The following ANO7 variants were observed in gnomAD, a reference collection of about 807,000 sequenced individuals.
The protein encoded by ANO7 is anoctamin 7.
A neutral mutation model predicts 115.8 loss-of-function variants in ANO7; 114 were observed. That is an observed-to-expected ratio of 0.98 (90% CI 0.85 to 1.15). ANO7 has a LOEUF of 1.15. ANO7 is among the 50% of genes most tolerant of loss of function. The pLI, the probability that ANO7 is intolerant of heterozygous loss-of-function variation, is 0.00. For synonymous variants in ANO7, 550 were observed against 498.2 expected (o/e 1.10, Z -1.38); for missense variants, 1,302 against 1,201.2 (o/e 1.08, Z -1.24).
rs138897331 is a variant in ANO7, at chr2:241,219,438, C to T, written c.2321+1057C>T. Among the ~76,000 whole-genome samples, 1,304 of 152,140 alleles carry T rather than the reference C, an allele frequency of 8.6e-3. 5 individuals are homozygous for T. The highest frequency in any genetic ancestry group is 0.02 in the Middle Eastern group (6 of 294). On this transcript the variant is annotated intron_variant, in intron 21 of 24. Coordinates refer to ENST00000674324, the MANE Select transcript of ANO7 (RefSeq NM_001370694.2). The stretch of plus-strand genomic sequence containing the variant: ...CTTTATCTTTTTTATTCCTCCTCTC[C>T]TGACTTCTGGTGGATGGGTAAAAGT...
In ANO7 at chr2:241,212,180, G is replaced by A. The variant is rs111600763; in HGVS notation, c.1648G>A (p.Val550Ile). 1,911 of 1,614,060 alleles carry A rather than the reference G, an allele frequency of 1.2e-3. 19 individuals are homozygous for A. In the African/African-American group the frequency reaches 0.021, roughly 18 times the overall value. ...FQFVNFYSSP[V>I]YIAFFKGRFV... ...GTTCGTCAACTTCTACTCCTCACCC[G>A]TCTACATTGCCTTCTTCAAGGGCAG... Residue 550 changes from valine (V) to isoleucine (I), a missense_variant, in exon 16 of 25, where the codon GTC becomes ATC. Coordinates refer to ENST00000674324, the MANE Select transcript of ANO7 (RefSeq NM_001370694.2).
At chr2:241,200,323 AC>A in intron 6 of ANO7, 98 bp downstream of exon 6, 1 of 1,473,844 alleles carries the variant, frequency 6.8e-7, no homozygotes, top group African/African-American at 1.4e-5. Flanking sequence ...GACTCTCCTC[AC>A]CTGGAGTTTT....
rs1382961397 is a variant in ANO7, at chr2:241,210,545, C to G, written c.1536C>G (p.Ser512=). ...TCATCCTCTCCAAGATCTATGTATC[C>G]CTGGCCCACGTCCTGACACGATGGG... ...FILILSKIYV[S]LAHVLTRWEM... is the part of the protein sequence containing the mutation. The change falls in exon 15 of 25, where the codon TCC becomes TCG. Residue 512 remains serine (S), a synonymous_variant. Transcript: ENST00000674324. 1 of 1,613,804 alleles carries G rather than the reference C, an allele frequency of 6.2e-7. No homozygotes were observed. The highest frequency in any genetic ancestry group is 1.3e-5 in the African/African-American group (1 of 74,942).
At chr2:241,212,876 T>C in intron 17 of ANO7, 2 of 490,682 alleles carry the variant, frequency 4.1e-6, no homozygotes, top group South Asian at 2.2e-5. Context: ...CTCACGCCTG[T>C]AATCTCAGCA....
At chr2:241,214,575 T>C (rs559642848) in intron 17 of ANO7, among the ~76,000 whole-genome samples, 1 of 152,292 alleles carries the variant, frequency 6.6e-6, no homozygotes, top group East Asian at 1.9e-4. Flanking sequence ...TAGGTACATA[T>C]AGCAGTGCCC....
At chr2:241,238,628 C>G in the ANO7 span, 1 of 1,526,140 alleles carries the variant, frequency 6.6e-7, no homozygotes, top group East Asian at 2.3e-5. The surrounding 1 kb of genome is among the most constrained non-coding windows in gnomAD (Gnocchi z 4.9). Flanking sequence ...ACAAGCAGAG[C>G]AGGGCTAATG....
Position 241,218,359 on chromosome 2 carries a change from G to A in ANO7, c.2299G>A (p.Ala767Thr), listed in dbSNP as rs371748155. The change falls in exon 21 of 25, where the codon GCC becomes ACC. Residue 767 changes from alanine to threonine, a missense_variant. Physicochemically the swap from Ala to Thr is moderately conservative, Grantham distance 58. Coordinates refer to ENST00000674324, the MANE Select transcript of ANO7 (RefSeq NM_001370694.2). ...TLARAPSSFA[A>T]AHNRTCRYRA... is the part of the protein sequence containing the mutation. ...GGCGCGAGCCCCGTCCTCCTTCGCC[G>A]CCGCGCACAACCGCACGTGCAGGTG... is the stretch of plus-strand genomic sequence containing the variant. 7.1e-5 allele frequency: 104 copies of A among 1,469,042 alleles called. No homozygotes were observed. The highest frequency in any genetic ancestry group is 8.9e-5 in the Non-Finnish European group (99 of 1,112,962). 91.0% of individuals were successfully genotyped at this position (1,469,042 alleles called of 1,614,324 possible). A position where few individuals can be genotyped will look rare whatever the true frequency, so the allele number is the denominator to read the frequency against.
intron 18 of ANO7, among the ~76,000 whole-genome samples, chr2:241,215,471 C>CA (rs2068809490): frequency 6.6e-6 from 1 of 152,228 alleles, no homozygotes; most frequent in South Asian, 2.1e-4. Flanking sequence ...GATCTGCCCC[C>CA]AGAAGGCAGC....
chr2:241,188,725 G>A lies in ANO7; in HGVS notation c.-49G>A. Reference sequence around the variant, plus strand: ...GAGACCAGGCTCACGCTGAGAGGTGGGCCATGACCTCCGAGACCTCTTCCG... The same window carrying A: ...GAGACCAGGCTCACGCTGAGAGGTGAGCCATGACCTCCGAGACCTCTTCCG... On this transcript the variant is annotated 5_prime_UTR_variant, in exon 1 of 25. Transcript: ENST00000674324. This position sits in a 1 kb window ranked among gnomAD's most constrained non-coding sequence, Gnocchi z 4.3. 6.2e-7 allele frequency: 1 copy of A among 1,613,626 alleles called. No individual in the cohort carries two copies. Among genetic ancestry groups the A allele is most frequent in the South Asian group, 1.1e-5 (1 of 91,064 alleles).
intron 1 of ANO7, 49 bp from the exon 2 acceptor site, chr2:241,190,008 A>T (rs1005090007): frequency 1.6e-5 from 23 of 1,462,470 alleles, no homozygotes; most frequent in Non-Finnish European, 2.1e-5. Context: ...AACGGGTCTC[A>T]CCCATCCCCT....
At chr2:241,218,702 C>T (rs2068931952) in intron 21 of ANO7, among the ~76,000 whole-genome samples, 2 of 152,220 alleles carry the variant, frequency 1.3e-5, no homozygotes, top group South Asian at 4.2e-4. Flanking sequence ...TTTATTCGGC[C>T]GGGGGCGTCG....
the ANO7 span, chr2:241,236,864 G>A: frequency 7.3e-7 from 1 of 1,361,814 alleles, no homozygotes. Flanking sequence ...CCTGCTGGGT[G>A]CTGGGTGGTA....
intron 6 of ANO7, among the ~76,000 whole-genome samples, chr2:241,200,633 C>T (rs932129582): frequency 1.3e-4 from 20 of 152,342 alleles, no homozygotes; most frequent in African/African-American, 3.4e-4. Context: ...CTCCTGGAAA[C>T]GACACGTGTG....
the ANO7 span, among the ~76,000 whole-genome samples, chr2:241,237,991 CCA>C: frequency 6.6e-6 from 1 of 152,238 alleles, no homozygotes. Context: ...GGCTGCAGGG[CCA>C]CCTGCCGCCC....
At chr2:241,211,612 GGT>G (rs772995730) in intron 15 of ANO7, among the ~76,000 whole-genome samples, 10 of 152,180 alleles carry the variant, frequency 6.6e-5, no homozygotes, top group Non-Finnish European at 1.5e-5. Context: ...GCAGGTGGCA[GGT>G]GTCTCAGGGA....
rs1322611729 is a variant in ANO7, at chr2:241,202,324, G to C, written c.723+20G>C. ...CATGACGTGAGCTCGGGGGCTGGGG[G>C]CTCCAGCCTGGGTATGGGAGATGAG... On this transcript the variant is annotated intron_variant, in intron 8 of 24. Transcript: ENST00000674324. 6.9e-6 allele frequency: 11 copies of C among 1,602,704 alleles called. 1 individual carries two copies. In the South Asian group the frequency reaches 1.2e-4, roughly 18 times the overall value.
the ANO7 span, chr2:241,239,951 C>T: frequency 6.2e-7 from 1 of 1,614,228 alleles, no homozygotes; most frequent in Non-Finnish European, 8.5e-7. The surrounding 1 kb of genome is among the most constrained non-coding windows in gnomAD (Gnocchi z 4.6). Context: ...CGGACGGCGT[C>T]CTCCTTTCCA....
chr2:241,233,960 A>C, the ANO7 span: 1 of 1,614,128 alleles, frequency 6.2e-7, no homozygotes, highest in Non-Finnish European at 8.5e-7. The surrounding 1 kb of genome is among the most constrained non-coding windows in gnomAD (Gnocchi z 4.3). Flanking sequence ...AAACTCCTTA[A>C]AGCCTACAAA....
At chr2:241,191,125 C>T (rs972144341) in intron 2 of ANO7, 69 bp from the exon 3 acceptor site, 25 of 1,333,012 alleles carry the variant, frequency 1.9e-5, no homozygotes, top group African/African-American at 4.5e-5. Flanking sequence ...CAGGGTGGGG[C>T]GGGGTGGGTG....
Sources: gnomAD v4.1 joint callset for allele counts (sites outside exome capture counted in the v4.1 genomes callset) on GRCh38, gnomAD v4.1.1 for gene constraint, Gnocchi (gnomAD v3.1) non-coding constraint, MANE v1.5 for transcripts, NCBI Gene and HGNC (gene_info 2026-07-23, HGNC 2026-07-21) for gene names.